The following RPS6KA2 variants were observed in gnomAD, a reference collection of about 807,000 sequenced individuals.
RPS6KA2 encodes the protein ribosomal protein S6 kinase alpha-2.
A neutral mutation model predicts 91.8 loss-of-function variants in RPS6KA2; 42 were observed. That is an observed-to-expected ratio of 0.46 (90% CI 0.36 to 0.59). The LOEUF is 0.59. Ranked by LOEUF, RPS6KA2 falls within the 20% of genes least tolerant of loss-of-function variation. The probability of loss-of-function intolerance (pLI) is 0.00; values close to 1 mark genes in which losing one functional copy is unlikely to be tolerated. For synonymous variants in RPS6KA2, 414 were observed against 393.6 expected, an observed-to-expected ratio of 1.05 and a Z score of -0.61; for missense variants, 798 against 978.5, an observed-to-expected ratio of 0.82 and a Z score of 2.46.
intron 2 of RPS6KA2, among the ~76,000 whole-genome samples, chr6:166,777,049 C>A (rs887130226): frequency 6.6e-6 from 1 of 152,054 alleles, no homozygotes; most frequent in Non-Finnish European, 1.5e-5. Context: ...TTTTGTTGTT[C>A]AAGCTTGGGT....
Position 166,739,126 on chromosome 6 carries a change from G to A in RPS6KA2, c.123+119074C>T, listed in dbSNP as rs76332143. 0.011 allele frequency among the ~76,000 whole-genome samples: 1,613 copies of A among 152,288 alleles called. 126 individuals carry two copies. In the East Asian group the frequency reaches 0.19, roughly 18 times the overall value. On this transcript the variant is annotated intron_variant, in intron 2 of 21. Transcript: ENST00000503859. The stretch of plus-strand genomic sequence containing the variant: ...TCAGAAATAAAATTTACAAGAATTA[G>A]CAAATATTTATAAAATTCATGACAA...
At position 166,494,044 on chromosome 6, in the gene RPS6KA2, G is replaced by A. The variant is rs1167801165; in HGVS notation, c.748-3303C>T. On this transcript the variant is annotated intron_variant, in intron 8 of 20. Transcript: ENST00000265678. The surrounding 1 kb of genome is among the most constrained non-coding windows in gnomAD (Gnocchi z 5.1). The stretch of plus-strand genomic sequence containing the variant: ...GCCTCGATTTCAAGTTTACTTGGCC[G>A]ATCACCATTCTTAAAAGGGCACCAA... 1.7e-4 allele frequency among the ~76,000 whole-genome samples: 26 copies of A among 152,178 alleles called. No homozygotes were observed. Among genetic ancestry groups the A allele is most frequent in the African/African-American group, 2.4e-5 (1 of 41,440 alleles).
At position 166,504,690 on chromosome 6, in the gene RPS6KA2, CAG is replaced by C. The variant is rs1268615524; in HGVS notation, c.460-80_460-79del. On this transcript the variant is annotated intron_variant, in intron 5 of 20. Transcript: ENST00000265678. ...GCTGGTGTGTTTTAAAGAACTCTGC[CAG>C]AGAGACTGAGAGTCCACACTGGGGT... 2.9e-6 allele frequency: 3 copies of C among 1,037,002 alleles called. No homozygotes were observed. The East Asian group carries it at 7.3e-5, about 25-fold the overall frequency. 64.2% of individuals were successfully genotyped at this position (1,037,002 alleles called of 1,614,324 possible). A position where few individuals can be genotyped will look rare whatever the true frequency, so the allele number is the denominator to read the frequency against.
At chr6:166,467,391 C>T (rs1398833321) in intron 11 of RPS6KA2, among the ~76,000 whole-genome samples, 2 of 152,306 alleles carry the variant, frequency 1.3e-5, no homozygotes, top group Non-Finnish European at 2.9e-5. Context: ...TAATAATATA[C>T]ATCAGAAACA....
intron 1 of RPS6KA2, among the ~76,000 whole-genome samples, chr6:166,615,931 C>G (rs1398836737): frequency 6.6e-6 from 1 of 152,212 alleles, no homozygotes; most frequent in Non-Finnish European, 1.5e-5. Flanking sequence ...CCTGCATACA[C>G]AGGCCTCACT....
chr6:166,477,679 T>C (rs905901653), intron 10 of RPS6KA2, among the ~76,000 whole-genome samples: 9 of 152,152 alleles, frequency 5.9e-5, no homozygotes, highest in African/African-American at 1.7e-4. Flanking sequence ...GGGAGGCCAA[T>C]GCAGGAGGAC....
At chr6:166,820,101 C>A (rs35344086) in intron 2 of RPS6KA2, among the ~76,000 whole-genome samples, 6 of 151,216 alleles carry the variant, frequency 4.0e-5, no homozygotes, top group Admixed American at 3.3e-4. Flanking sequence ...AAGGTGCTTG[C>A]CATGGGCTAT....
In RPS6KA2 at chr6:166,568,863, G is replaced by A. The variant is rs558533751; in HGVS notation, c.100-30079C>T. 1.8e-3 allele frequency among the ~76,000 whole-genome samples: 270 copies of A among 152,218 alleles called. 1 individual carries two copies. Among genetic ancestry groups the A allele is most frequent in the African/African-American group, 6.2e-3 (257 of 41,548 alleles). On this transcript the variant is annotated intron_variant, in intron 1 of 20. Transcript: ENST00000265678. ...AAACAAACATGCAAATCACAAGTGC[G>A]TTTTGTGCAAATAATGTGATATTTT...
intron 2 of RPS6KA2, chr6:166,757,605 G>C (rs898608829): frequency 6.6e-6 from 3 of 456,074 alleles, no homozygotes; most frequent in African/African-American, 2.0e-5. Context: ...CCGGGGGCCG[G>C]GCTCCCCTTG....
intron 2 of RPS6KA2, among the ~76,000 whole-genome samples, chr6:166,707,711 T>C (rs1789721052): frequency 6.6e-6 from 1 of 152,198 alleles, no homozygotes. Flanking sequence ...TTATTACTTA[T>C]CTTCAGAGAG....
chr6:166,821,037 TGTCTTGGAATGATGG>T lies in RPS6KA2; in HGVS notation c.123+37148_123+37162del, dbSNP rs1176476169. 6.6e-6 allele frequency among the ~76,000 whole-genome samples: 1 copy of T among 152,074 alleles called. No individual in the cohort carries two copies. The highest frequency in any genetic ancestry group is 1.5e-5 in the Non-Finnish European group (1 of 68,000). ...GGAGCCAAGGGCAGGGACAAGCAGG[TGTCTTGGAATGATGG>T]GTCCAGGGCTATAGGGATTTGGATA... On this transcript the variant is annotated intron_variant, in intron 2 of 21. Coordinates refer to the RPS6KA2 transcript ENST00000503859. This position sits in a 1 kb window ranked among gnomAD's most constrained non-coding sequence, Gnocchi z 4.1.
chr6:166,739,260 TGTAA>T (rs1790746563), intron 2 of RPS6KA2, among the ~76,000 whole-genome samples: 1 of 152,236 alleles, frequency 6.6e-6, no homozygotes, highest in South Asian at 2.1e-4. Flanking sequence ...CTATTCCATA[TGTAA>T]ATAGTTTTAA....
intron 1 of RPS6KA2, among the ~76,000 whole-genome samples, chr6:166,544,875 T>C (rs1021856048): frequency 6.6e-5 from 10 of 152,334 alleles, no homozygotes; most frequent in Admixed American, 4.6e-4. Flanking sequence ...CTTCCATTTC[T>C]AAAAAGCTAA....
At chr6:166,633,869 G>A (rs541144840) in intron 2 of RPS6KA2, among the ~76,000 whole-genome samples, 11 of 152,278 alleles carry the variant, frequency 7.2e-5, no homozygotes, top group Non-Finnish European at 1.2e-4. Flanking sequence ...ATGAGTCAGC[G>A]GAACGTGCCA....
intron 1 of RPS6KA2, among the ~76,000 whole-genome samples, chr6:166,577,264 A>C (rs779488844): frequency 6.6e-6 from 1 of 152,238 alleles, no homozygotes; most frequent in Non-Finnish European, 1.5e-5. Flanking sequence ...CAGAGTCCTT[A>C]CTGTGGCACT....
At chr6:166,457,743 G>A (rs549649219) in intron 12 of RPS6KA2, among the ~76,000 whole-genome samples, 3 of 152,078 alleles carry the variant, frequency 2.0e-5, no homozygotes, top group South Asian at 4.1e-4. Flanking sequence ...ATCTGCACAC[G>A]CTCACACCCT....
chr6:166,714,539 G>T (rs1236887935), intron 2 of RPS6KA2, among the ~76,000 whole-genome samples: 1 of 152,238 alleles, frequency 6.6e-6, no homozygotes, highest in Non-Finnish European at 1.5e-5. Flanking sequence ...ACTGGGGTGA[G>T]CCCTAACTGT....
chr6:166,784,884 G>T (rs1435939068), intron 2 of RPS6KA2, among the ~76,000 whole-genome samples: 1 of 152,222 alleles, frequency 6.6e-6, no homozygotes, highest in Non-Finnish European at 1.5e-5. Flanking sequence ...CATTTGTGAT[G>T]AATAATCCCT....
At chr6:166,447,880 G>A (rs1267566089) in intron 14 of RPS6KA2, among the ~76,000 whole-genome samples, 1 of 152,182 alleles carries the variant, frequency 6.6e-6, no homozygotes, top group African/African-American at 2.4e-5. Flanking sequence ...GACAGCCTGG[G>A]GTTTGGCTCC....
Sources: gnomAD v4.1 joint callset for allele counts (sites outside exome capture counted in the v4.1 genomes callset) on GRCh38, gnomAD v4.1.1 for gene constraint, Gnocchi (gnomAD v3.1) non-coding constraint, MANE v1.5 for transcripts, NCBI Gene and HGNC (gene_info 2026-07-23, HGNC 2026-07-21) for gene names.